Variants in WDR93 observed in about 807,000 individuals in gnomAD.
The protein encoded by WDR93 is WD repeat-containing protein 93.
Under a neutral mutation model 82.9 loss-of-function variants are expected in WDR93, and 73 were observed. The ratio of observed to expected loss-of-function variants is 0.88; its 90% CI spans 0.73 to 1.07. WDR93 has a LOEUF of 1.07. WDR93 is among the 50% of genes least tolerant of loss of function. The probability of loss-of-function intolerance (pLI) is 0.00; values close to 1 mark genes in which losing one functional copy is unlikely to be tolerated. For missense variants in WDR93, 738 were observed against 826.0 expected, an observed-to-expected ratio of 0.89 and a Z score of 1.31; for synonymous variants, 283 against 300.1, an observed-to-expected ratio of 0.94 and a Z score of 0.59.
chr15:89,728,980 A>C (rs773473170), intron 9 of WDR93, 43 bp from the exon 10 acceptor site: 5 of 1,552,686 alleles, frequency 3.2e-6, no homozygotes, highest in Non-Finnish European at 4.4e-6. Flanking sequence ...TCTCCTTGCC[A>C]GGGAGTCTAC....
chr15:89,721,616 T>TA (rs888989976), intron 7 of WDR93, among the ~76,000 whole-genome samples: 3 of 152,120 alleles, frequency 2.0e-5, no homozygotes, highest in East Asian at 3.9e-4. Flanking sequence ...TTGCCCTTTC[T>TA]AAAAAAACTG....
In WDR93 at chr15:89,701,992, G is replaced by A. The variant is rs1177594340; in HGVS notation, c.246G>A (p.Arg82=). 6.2e-7 allele frequency: 1 copy of A among 1,613,258 alleles called. No homozygotes were observed. The highest frequency in any genetic ancestry group is 1.3e-5 in the African/African-American group (1 of 75,014). ...TTATTGAAGAGAGAAACGCACTGAG[G>A]GAAGCTGAGAGCAGCCAGATCCAGC... ...WEIIEERNAL[R]EAESSQIQPT... Residue 82 remains arginine (R), a synonymous_variant, in exon 2 of 17, where the codon AGG becomes AGA. Transcript: ENST00000268130.
At chr15:89,734,345 G>C (rs1324876376) in intron 13 of WDR93, among the ~76,000 whole-genome samples, 2 of 152,102 alleles carry the variant, frequency 1.3e-5, no homozygotes, top group Non-Finnish European at 2.9e-5. Context: ...TTCTAAGATA[G>C]CTTCACTCAC....
intron 16 of WDR93, among the ~76,000 whole-genome samples, chr15:89,741,011 G>T (rs1011163222): frequency 7.9e-5 from 12 of 151,966 alleles, no homozygotes; most frequent in Non-Finnish European, 1.8e-4. Context: ...ACGGTGGCAG[G>T]TGCCTATAAT....
At chr15:89,729,462 T>C (rs747775) in intron 10 of WDR93, among the ~76,000 whole-genome samples, 74,635 of 151,904 alleles carry the variant, frequency 0.49, 18,848 homozygotes, top group African/African-American at 0.59. Context: ...GTCCTCCCTA[T>C]GCAAGAAGGC....
rs1339155753 is a variant in WDR93 at position 89,743,507 on chromosome 15, G to A, written c.*116G>A. ...GCCACAGCTCCACAGGCCTGCACTC[G>A]GAGTCTGGGGCCTCTGCAGAGCCAG... On this transcript the variant is annotated 3_prime_UTR_variant, in exon 17 of 17. Transcript: ENST00000268130. The A allele has an allele frequency of 4.6e-5, 43 of 936,770 alleles. No individual in the cohort carries two copies. The highest frequency in any genetic ancestry group is 4.0e-4 in the South Asian group (27 of 66,834). 58.0% of individuals were successfully genotyped at this position (936,770 alleles called of 1,614,324 possible). A position where few individuals can be genotyped will look rare whatever the true frequency, so the allele number is the denominator to read the frequency against.
chr15:89,690,536 T>G (rs1964813265), upstream of WDR93: 6 of 1,496,808 alleles, frequency 4.0e-6, no homozygotes, highest in Non-Finnish European at 5.5e-6. Flanking sequence ...GGAGCCGAGT[T>G]AGGGCGAGAA....
At chr15:89,691,001 C>G (rs919995173) in intron 1 of WDR93, 144 bp downstream of exon 1, 1 of 188,928 alleles carries the variant, frequency 5.3e-6, no homozygotes, top group Non-Finnish European at 1.1e-5. Context: ...GACGCCTCCC[C>G]GCAGATCTCA....
chr15:89,690,525 G>A (rs182346553), upstream of WDR93: 32 of 1,401,606 alleles, frequency 2.3e-5, no homozygotes, highest in South Asian at 3.2e-4. Flanking sequence ...GAATAGGCAC[G>A]GGAGCCGAGT....
rs571513981 is a variant in WDR93 at position 89,718,724 on chromosome 15, G to C, written c.795+1775G>C. ...AAAAGTCAAGGAATTCAGATAAACA[G>C]CCCTCTCCAGAGGTAATCACCATTA... is the stretch of plus-strand genomic sequence containing the variant. On this transcript the variant is annotated intron_variant, in intron 7 of 16. Transcript: ENST00000268130. Among the ~76,000 whole-genome samples, 7 of 152,298 alleles carry C rather than the reference G, an allele frequency of 4.6e-5. No individual in the cohort carries two copies. In the South Asian group the frequency reaches 1.5e-3, roughly 32 times the overall value.
intron 6 of WDR93, 31 bp from the exon 7 acceptor site, chr15:89,716,880 T>C (rs761429722): frequency 3.4e-6 from 5 of 1,489,528 alleles, no homozygotes; most frequent in Non-Finnish European, 3.7e-6. Flanking sequence ...ATCAAACCTA[T>C]TGTGAATTAA....
intron 4 of WDR93, among the ~76,000 whole-genome samples, chr15:89,707,604 A>G (rs1254392694): frequency 2.8e-5 from 4 of 144,428 alleles, no homozygotes; most frequent in Non-Finnish European, 6.2e-5. Flanking sequence ...AAAATAAAAC[A>G]ACAAAGAAAA....
intron 7 of WDR93, among the ~76,000 whole-genome samples, chr15:89,718,757 G>C (rs1458214262): frequency 1.3e-5 from 2 of 152,072 alleles, no homozygotes; most frequent in Non-Finnish European, 2.9e-5. Flanking sequence ...TTATTAGCTT[G>C]ACATGTTTTT....
chr15:89,725,163 T>A (rs1471463528), intron 8 of WDR93, among the ~76,000 whole-genome samples: 1 of 152,206 alleles, frequency 6.6e-6, no homozygotes, highest in Non-Finnish European at 1.5e-5. Flanking sequence ...TGATTTTTAA[T>A]AGCCCCAAAC....
intron 4 of WDR93, among the ~76,000 whole-genome samples, chr15:89,710,379 C>G (rs1242746024): frequency 1.3e-5 from 2 of 151,962 alleles, no homozygotes; most frequent in African/African-American, 4.8e-5. Context: ...TAAGAACAGG[C>G]GAAATTTATC....
chr15:89,732,867 T>C, intron 12 of WDR93, 139 bp from the exon 13 acceptor site: 1 of 752,810 alleles, frequency 1.3e-6, no homozygotes. Flanking sequence ...TTACTGATTT[T>C]CTCTCACAGG....
rs1967085122 is a variant in WDR93, at chr15:89,735,433, A to G, written c.1545-57A>G. 3.8e-6 allele frequency: 6 copies of G among 1,565,358 alleles called. No homozygotes were observed. In the Admixed American group the frequency reaches 8.4e-5, roughly 22 times the overall value. On this transcript the variant is annotated intron_variant, in intron 13 of 16. Transcript: ENST00000268130. ...CCAGGATATATGCCTAGAAGAGGAT[A>G]TCAAAACTTTTAAACTCTTAAAGTA...
chr15:89,712,327 G>T (rs1966015737), intron 5 of WDR93, among the ~76,000 whole-genome samples: 1 of 146,210 alleles, frequency 6.8e-6, no homozygotes. Context: ...AATGACATTG[G>T]TACAGTACTA....
chr15:89,722,137 C>T lies in WDR93; in HGVS notation c.878C>T (p.Thr293Ile). 6.3e-7 allele frequency: 1 copy of T among 1,594,034 alleles called. No homozygotes were observed. Among genetic ancestry groups the T allele is most frequent in the Non-Finnish European group, 8.6e-7 (1 of 1,168,948 alleles). The change falls in exon 8 of 17, where the codon ACA becomes ATA. Residue 293 changes from threonine to isoleucine, a missense_variant and splice_region_variant. Thr to Ile is a moderately conservative substitution (Grantham distance 89). Coordinates refer to ENST00000268130, the MANE Select transcript of WDR93 (RefSeq NM_020212.2). ...IMKIKPPKPV[T>I]GTTFKSPLEV... The stretch of plus-strand genomic sequence containing the variant: ...AAGATCAAACCACCTAAGCCTGTTA[C>T]AGGTAAGTGTGATTCAAATCTCTCT...
Sources: allele counts gnomAD v4.1 joint callset (sites outside exome capture counted in the v4.1 genomes callset), GRCh38; gene constraint gnomAD v4.1.1; transcripts MANE v1.5; gene names NCBI Gene and HGNC (gene_info 2026-07-23, HGNC 2026-07-21).